LRRK2: variants seen among roughly 807,000 people sequenced by gnomAD.
LRRK2 encodes leucine rich repeat kinase 2.
In LRRK2, 203 loss-of-function variants were observed where a neutral mutation model predicts 302.6. The observed-to-expected ratio is 0.67, with a 90% CI of 0.60 to 0.75. LRRK2 has a LOEUF of 0.75. Among genes scored for constraint, LRRK2 ranks in the 30% least tolerant of loss-of-function variants. LRRK2 has a pLI of 0.00. For missense variants in LRRK2, 2,830 were observed against 2,951.0 expected, an observed-to-expected ratio of 0.96 and a Z score of 0.95; for synonymous variants, 1,066 against 1,031.9, an observed-to-expected ratio of 1.03 and a Z score of -0.63.
chr12:40,322,259 A>G, intron 36 of LRRK2, 60 bp from the exon 37 acceptor site: 1 of 1,596,710 alleles, frequency 6.3e-7, no homozygotes. Context: ...ACTTTACCTT[A>G]AAGCTTTGCG....
At position 40,256,709 on chromosome 12, in the gene LRRK2, A is replaced by G. The variant is rs575429616; in HGVS notation, c.1289-539A>G. Among the ~76,000 whole-genome samples, 3 of 152,340 alleles carry G rather than the reference A, an allele frequency of 2.0e-5. No individual in the cohort carries two copies. In the East Asian group the frequency reaches 5.8e-4, roughly 29 times the overall value. On this transcript the variant is annotated intron_variant, in intron 11 of 50. Transcript: ENST00000298910. ...AATGGACAAAGCAGCTGAAGGCTGA[A>G]AGCAACCAAGCCTTTTACAGCCCCT...
At chr12:40,295,038 T>C in intron 22 of LRRK2, 124 bp downstream of exon 22, 1 of 641,678 alleles carries the variant, frequency 1.6e-6, no homozygotes, top group Non-Finnish European at 2.8e-6. Context: ...TCTTCATATA[T>C]ATTTACCTAA....
intron 40 of LRRK2, among the ~76,000 whole-genome samples, chr12:40,335,735 G>T (rs1284570396): frequency 6.6e-6 from 1 of 152,096 alleles, no homozygotes; most frequent in Admixed American, 6.5e-5. Flanking sequence ...TAAATAGTCT[G>T]TGAACCATGA....
chr12:40,366,488 C>G (rs1477381957), intron 49 of LRRK2: 1 of 154,368 alleles, frequency 6.5e-6, no homozygotes, highest in African/African-American at 2.4e-5. Context: ...TTGTTTACCC[C>G]TTTTTTCCCA....
At position 40,322,128 on chromosome 12, in the gene LRRK2, T is replaced by C. The variant is rs1945420646; in HGVS notation, c.5264T>C (p.Leu1755Ser). The change falls in exon 36 of 51, where the codon TTA becomes TCA. Residue 1755 changes from leucine to serine, a missense_variant. Leu to Ser is a moderately radical substitution (Grantham distance 145). Transcript: ENST00000298910. Reference sequence around the variant, plus strand: ...TATTGTCTGGTAGGATCTGAAGTCTTAGACAATCATCCAGAGAGTTTCTTA... The same window carrying C: ...TATTGTCTGGTAGGATCTGAAGTCTCAGACAATCATCCAGAGAGTTTCTTA... ...EAYCLVGSEV[L>S]DNHPESFLKI... 1 of 1,613,142 alleles carries C rather than the reference T, an allele frequency of 6.2e-7. No individual in the cohort carries two copies. Among genetic ancestry groups the C allele is most frequent in the East Asian group, 2.2e-5 (1 of 44,842 alleles).
chr12:40,322,196 T>G lies in LRRK2; in HGVS notation c.5317+15T>G, dbSNP rs375240998. The G allele has an allele frequency of 1.9e-6, 3 of 1,606,914 alleles. No homozygotes were observed. The African/African-American group carries it at 4.0e-5, about 22-fold the overall frequency. ...TTGTAGAAAAGGTAAGGAAATCAAT[T>G]TGAATGTTTTCAATTGCAACACTAA... is the stretch of plus-strand genomic sequence containing the variant. On this transcript the variant is annotated intron_variant, in intron 36 of 50. Transcript: ENST00000298910.
At chr12:40,278,921 A>G (rs1943571965) in intron 18 of LRRK2, among the ~76,000 whole-genome samples, 1 of 152,160 alleles carries the variant, frequency 6.6e-6, no homozygotes, top group African/African-American at 2.4e-5. Context: ...ATGAAAATAT[A>G]TACATATCTC....
intron 47 of LRRK2, 90 bp from the exon 48 acceptor site, chr12:40,363,312 A>ATG (rs1555196691): frequency 1.8e-6 from 2 of 1,128,886 alleles, no homozygotes; most frequent in Non-Finnish European, 2.6e-6. Context: ...TAGTGTTTTT[A>ATG]CATTAAGAAC....
rs17466227 is a variant in LRRK2 at position 40,310,146 on chromosome 12, G to T, written c.4318-285G>T. 4.3e-3 allele frequency among the ~76,000 whole-genome samples: 654 copies of T among 152,162 alleles called. 3 individuals are homozygous for T. The highest frequency in any genetic ancestry group is 0.02 in the Middle Eastern group (6 of 294). On this transcript the variant is annotated intron_variant, in intron 30 of 50. Coordinates refer to ENST00000298910, the MANE Select transcript of LRRK2 (RefSeq NM_198578.4). Reference sequence around the variant, plus strand: ...TTAGGAGTGAATAACTCATCTTAAGGCATGAAGATGGGAAAGGAAAACTAT... The same window carrying T: ...TTAGGAGTGAATAACTCATCTTAAGTCATGAAGATGGGAAAGGAAAACTAT...
chr12:40,274,434 T>C (rs1433153782), intron 14 of LRRK2, 149 bp from the exon 15 acceptor site: 1 of 755,602 alleles, frequency 1.3e-6, no homozygotes, highest in East Asian at 2.7e-5. Flanking sequence ...TCATAATAAA[T>C]AAAAGTAATT....
Position 40,298,230 on chromosome 12 carries a change from A to G in LRRK2, c.3097-13A>G, listed in dbSNP as rs771167250. On this transcript the variant is annotated splice_polypyrimidine_tract_variant and intron_variant, in intron 23 of 50. Transcript: ENST00000298910. ...ATGGTTCACTTTAGAATTTTAAACT[A>G]TTGTCTTTTCAGACTCTGAAGAGTT... 3.1e-6 allele frequency: 5 copies of G among 1,612,084 alleles called. No homozygotes were observed. The African/African-American group carries it at 4.0e-5, about 13-fold the overall frequency.
chr12:40,250,198 A>T (rs1482344005), intron 8 of LRRK2, among the ~76,000 whole-genome samples: 3 of 152,186 alleles, frequency 2.0e-5, no homozygotes, highest in African/African-American at 7.2e-5. Context: ...TTTTAAAAAA[A>T]TTTTTATTTG....
Position 40,289,813 on chromosome 12 carries a change from C to T in LRRK2, c.2689+2274C>T, listed in dbSNP as rs146137356. On this transcript the variant is annotated intron_variant, in intron 20 of 50. Coordinates refer to ENST00000298910, the MANE Select transcript of LRRK2 (RefSeq NM_198578.4). ...CCTGTAAACTTACTAAGCTCACTTA[C>T]GTGTTCCAGTACCTTATTATAGATT... Among the ~76,000 whole-genome samples the T allele has an allele frequency of 1.7e-3, 262 of 151,936 alleles. 1 individual carries two copies. The highest frequency in any genetic ancestry group is 5.7e-3 in the African/African-American group (237 of 41,540).
intron 11 of LRRK2, among the ~76,000 whole-genome samples, chr12:40,255,489 T>G (rs1942463085): frequency 6.6e-6 from 1 of 152,216 alleles, no homozygotes; most frequent in Admixed American, 6.5e-5. Context: ...ATGAAATTTC[T>G]TCTTCTAGGT....
intron 7 of LRRK2, among the ~76,000 whole-genome samples, chr12:40,245,310 C>A (rs1425519783): frequency 6.6e-6 from 1 of 152,006 alleles, no homozygotes; most frequent in East Asian, 1.9e-4. Context: ...TAGAGGTTCA[C>A]CTGTTTCCCA....
At chr12:40,275,503 A>G (rs933352315) in intron 16 of LRRK2, among the ~76,000 whole-genome samples, 2 of 119,282 alleles carry the variant, frequency 1.7e-5, no homozygotes, top group Non-Finnish European at 4.0e-5. Flanking sequence ...CGGGAGATTA[A>G]GAATAAATTT....
At chr12:40,265,289 T>A (rs546476521) in intron 14 of LRRK2, among the ~76,000 whole-genome samples, 1 of 152,328 alleles carries the variant, frequency 6.6e-6, no homozygotes, top group Non-Finnish European at 1.5e-5. Context: ...CTGAATCTCA[T>A]AAGCCGGTTG....
intron 15 of LRRK2, 32 bp from the exon 16 acceptor site, chr12:40,274,822 T>G: frequency 6.2e-7 from 1 of 1,609,100 alleles, no homozygotes; most frequent in Non-Finnish European, 8.5e-7. Context: ...AGTTTTGAGA[T>G]TTAAAACAAT....
At chr12:40,250,902 C>T (rs1014343349) in intron 8 of LRRK2, among the ~76,000 whole-genome samples, 1 of 151,948 alleles carries the variant, frequency 6.6e-6, no homozygotes, top group Non-Finnish European at 1.5e-5. Context: ...TTTATCTAGT[C>T]TATCATTGAT....
Sources: gnomAD v4.1 joint callset for allele counts (sites outside exome capture counted in the v4.1 genomes callset) on GRCh38, gnomAD v4.1.1 for gene constraint, MANE v1.5 for transcripts, NCBI Gene and HGNC (gene_info 2026-07-23, HGNC 2026-07-21) for gene names.